EML4: variants seen among roughly 807,000 people sequenced by gnomAD.
EML4 encodes the protein echinoderm microtubule-associated protein-like 4.
Under a neutral mutation model 129.0 loss-of-function variants are expected in EML4, and 72 were observed. The ratio of observed to expected loss-of-function variants is 0.56; its 90% CI spans 0.46 to 0.68. The LOEUF (loss-of-function observed/expected upper bound fraction) is 0.68, where lower values mean the gene tolerates loss of function less well. Among genes scored for constraint, EML4 ranks in the 30% least tolerant of loss-of-function variants. The pLI is 0.00. For synonymous variants in EML4, 532 were observed against 405.0 expected (o/e 1.31, Z -3.77); for missense variants, 1,363 against 1,190.6 (o/e 1.14, Z -2.13).
chr2:42,285,130 A>G (rs937061414), intron 9 of EML4, among the ~76,000 whole-genome samples: 3 of 151,972 alleles, frequency 2.0e-5, no homozygotes, highest in Admixed American at 6.6e-5. Flanking sequence ...GCTGGGCTCA[A>G]ACTCCTGGGC....
At chr2:42,304,702 C>G (rs1172777044) in intron 17 of EML4, 151 bp downstream of exon 17, 1 of 653,526 alleles carries the variant, frequency 1.5e-6, no homozygotes, top group Non-Finnish European at 2.7e-6. Flanking sequence ...TCATAGAATT[C>G]AATTATTTAT....
Position 42,295,108 on chromosome 2 carries a change from T to C in EML4, c.1219-17T>C. The C allele has an allele frequency of 6.3e-7, 1 of 1,599,574 alleles. No individual in the cohort carries two copies. Among genetic ancestry groups the C allele is most frequent in the Non-Finnish European group, 8.5e-7 (1 of 1,175,002 alleles). ...AAGGATATACATTCATCTAAAGCTT[T>C]ATTTCCCTTTTCATAGACAACAAAT... is the stretch of plus-strand genomic sequence containing the variant. On this transcript the variant is annotated splice_polypyrimidine_tract_variant and intron_variant, in intron 11 of 22. Transcript: ENST00000318522.
Position 42,329,916 on chromosome 2 carries a change from C to A in EML4, c.2655C>A (p.Pro885=), listed in dbSNP as rs34697961. ...TVADTTLTKA[P]VSSTESVIQS... is the part of the protein sequence containing the mutation. Reference sequence around the variant, plus strand: ...CGGATACTACTCTAACCAAAGCCCCCGTCTCTTCCACTGAAAGTGTCATCC... The same window carrying A: ...CGGATACTACTCTAACCAAAGCCCCAGTCTCTTCCACTGAAAGTGTCATCC... The change falls in exon 23 of 23, where the codon CCC becomes CCA. Residue 885 remains proline, a synonymous_variant. Transcript: ENST00000318522. 6.2e-7 allele frequency: 1 copy of A among 1,613,870 alleles called. No homozygotes were observed.
intron 1 of EML4, among the ~76,000 whole-genome samples, chr2:42,227,061 C>A (rs1247663134): frequency 6.6e-6 from 1 of 152,148 alleles, no homozygotes; most frequent in Non-Finnish European, 1.5e-5. Flanking sequence ...TTAATCCAGA[C>A]TTTTTTCCAC....
rs944688956 is a variant in EML4 at position 42,228,281 on chromosome 2, A to G, written c.26-17224A>G. Among the ~76,000 whole-genome samples the G allele has an allele frequency of 1.5e-4, 23 of 152,272 alleles. 1 individual carries two copies. The highest frequency in any genetic ancestry group is 5.3e-4 in the African/African-American group (22 of 41,564). On this transcript the variant is annotated intron_variant, in intron 1 of 22. Transcript: ENST00000318522. ...GAAAATTGCTAAGAGAGTAGAAAGAATTCTCCTCATAGAAAAATGAGTGGG... is the reference window on the plus strand; with the variant it reads ...GAAAATTGCTAAGAGAGTAGAAAGAGTTCTCCTCATAGAAAAATGAGTGGG...
intron 5 of EML4, 92 bp downstream of exon 5, chr2:42,263,398 C>CTTTTTTTT (rs67401314): frequency 2.1e-4 from 43 of 202,634 alleles, no homozygotes; most frequent in Middle Eastern, 2.1e-3. Flanking sequence ...TGGTTTGAAT[C>CTTTTTTTT]TTTTTTTTTT....
At chr2:42,257,634 G>C (rs1054075308) in intron 3 of EML4, among the ~76,000 whole-genome samples, 3 of 152,276 alleles carry the variant, frequency 2.0e-5, no homozygotes, top group South Asian at 2.1e-4. Flanking sequence ...AGGAGATCGA[G>C]ACCATCCTGG....
In EML4 at chr2:42,219,656, G is replaced by A. The variant is rs540714904; in HGVS notation, c.26-25849G>A. 5.9e-5 allele frequency among the ~76,000 whole-genome samples: 9 copies of A among 152,072 alleles called. No individual in the cohort carries two copies. The East Asian group carries it at 7.7e-4, about 13-fold the overall frequency. On this transcript the variant is annotated intron_variant, in intron 1 of 22. Transcript: ENST00000318522. The stretch of plus-strand genomic sequence containing the variant: ...TTTCTGGCTGGGTGCAGTGGCTCAC[G>A]CCTGTAATCCCAGGATTTTGGGAGG...
chr2:42,208,388 C>G (rs1283864662), intron 1 of EML4, among the ~76,000 whole-genome samples: 1 of 149,706 alleles, frequency 6.7e-6, no homozygotes, highest in African/African-American at 2.4e-5. Context: ...TAAATGTTTT[C>G]TTTACAATAG....
intron 13 of EML4, 131 bp from the exon 14 acceptor site, chr2:42,301,110 A>G: frequency 1.4e-6 from 1 of 696,544 alleles, no homozygotes; most frequent in Non-Finnish European, 2.3e-6. Flanking sequence ...CTTGCTGAAA[A>G]TAGGTTTTTG....
At chr2:42,284,612 C>G (rs1667185700) in intron 8 of EML4, 22 bp from the exon 9 acceptor site, 1 of 1,580,836 alleles carries the variant, frequency 6.3e-7, no homozygotes, top group Non-Finnish European at 8.7e-7. Context: ...TGTTTAAAAT[C>G]ATTCTTAATA....
intron 1 of EML4, among the ~76,000 whole-genome samples, chr2:42,203,050 TATA>T: frequency 2.6e-5 from 4 of 151,990 alleles, no homozygotes; most frequent in African/African-American, 9.7e-5. Context: ...AGAAGAAGAA[TATA>T]TTACATATTT....
chr2:42,174,614 G>A (rs540497871), intron 1 of EML4, among the ~76,000 whole-genome samples: 1 of 151,910 alleles, frequency 6.6e-6, no homozygotes, highest in Non-Finnish European at 1.5e-5. Flanking sequence ...TTGTATGTCG[G>A]TATATGATCT....
chr2:42,187,070 G>T (rs1671295523), intron 1 of EML4, among the ~76,000 whole-genome samples: 1 of 149,652 alleles, frequency 6.7e-6, no homozygotes, highest in Admixed American at 6.7e-5. Context: ...GGGGGACAGG[G>T]TCTTGCTCTG....
chr2:42,271,557 C>G (rs557744412), intron 6 of EML4, among the ~76,000 whole-genome samples: 1 of 152,246 alleles, frequency 6.6e-6, no homozygotes, highest in South Asian at 2.1e-4. Flanking sequence ...TCTTGACATC[C>G]TCTTTCCTTA....
chr2:42,258,213 C>CT (rs1665471350), intron 3 of EML4, among the ~76,000 whole-genome samples: 3 of 152,068 alleles, frequency 2.0e-5, no homozygotes, highest in Admixed American at 2.0e-4. Flanking sequence ...TTAGGTTGTA[C>CT]TGGGCCCACA....
In EML4 at chr2:42,330,291, A is replaced by G; in HGVS notation, c.*84A>G. 8.3e-7 allele frequency: 1 copy of G among 1,208,248 alleles called. No homozygotes were observed. The highest frequency in any genetic ancestry group is 1.2e-6 in the Non-Finnish European group (1 of 825,496). The allele number at this position is 1,208,248 out of a possible 1,614,324, so 74.8% of individuals were successfully genotyped here. On this transcript the variant is annotated 3_prime_UTR_variant, in exon 23 of 23. Coordinates refer to ENST00000318522, the MANE Select transcript of EML4 (RefSeq NM_019063.5). The stretch of plus-strand genomic sequence containing the variant: ...CAGGTAACAGGATGGGCAGTGATGG[A>G]GAATCACTGTTGATTGAGATTTTGG...
intron 2 of EML4, 28 bp downstream of exon 2, chr2:42,245,715 T>G (rs1331901267): frequency 6.6e-7 from 1 of 1,525,812 alleles, no homozygotes; most frequent in African/African-American, 1.4e-5. Flanking sequence ...TTAAAAAGAG[T>G]CTTGCTTTTT....
At chr2:42,269,541 G>C (rs545804788) in intron 6 of EML4, among the ~76,000 whole-genome samples, 17 of 152,210 alleles carry the variant, frequency 1.1e-4, no homozygotes, top group Admixed American at 4.6e-4. Flanking sequence ...ATGTCAGGAA[G>C]GTGATATATA....
Sources: gnomAD v4.1 joint callset for allele counts (sites outside exome capture counted in the v4.1 genomes callset) on GRCh38, gnomAD v4.1.1 for gene constraint, MANE v1.5 for transcripts, NCBI Gene and HGNC (gene_info 2026-07-23, HGNC 2026-07-21) for gene names.